MAP4K3: variants seen among roughly 807,000 people sequenced by gnomAD.
MAP4K3 encodes MAPK/ERK kinase kinase kinase 3.
In MAP4K3, 94 loss-of-function variants were observed where a neutral mutation model predicts 143.5. That is an observed-to-expected ratio of 0.65 (90% CI 0.55 to 0.78). The LOEUF (loss-of-function observed/expected upper bound fraction) is 0.78, where lower values mean the gene tolerates loss of function less well. Among genes scored for constraint, MAP4K3 ranks in the 30% least tolerant of loss-of-function variants. The probability of loss-of-function intolerance (pLI) is 0.00; values close to 1 mark genes in which losing one functional copy is unlikely to be tolerated. For missense variants in MAP4K3, 1,077 were observed against 1,068.1 expected (o/e 1.01, Z -0.12); for synonymous variants, 416 against 347.2 (o/e 1.20, Z -2.20).
intron 1 of MAP4K3, among the ~76,000 whole-genome samples, chr2:39,431,825 C>T (rs1051915903): frequency 6.6e-6 from 1 of 152,166 alleles, no homozygotes; most frequent in Non-Finnish European, 1.5e-5. Context: ...CATTTTACAG[C>T]TGAGGAAACT....
At chr2:39,304,298 G>A (rs1682615737) in intron 15 of MAP4K3, among the ~76,000 whole-genome samples, 1 of 152,114 alleles carries the variant, frequency 6.6e-6, no homozygotes, top group East Asian at 1.9e-4. Flanking sequence ...ATGTAGCAAG[G>A]TCTTTAAAGG....
chr2:39,254,011 TAA>T (rs774218536), intron 32 of MAP4K3, among the ~76,000 whole-genome samples: 4 of 152,102 alleles, frequency 2.6e-5, no homozygotes, highest in Non-Finnish European at 4.4e-5. Flanking sequence ...ATGTTGAAAA[TAA>T]AGAGGTAAGT....
At chr2:39,274,187 G>A in intron 24 of MAP4K3, among the ~76,000 whole-genome samples, 1 of 151,170 alleles carries the variant, frequency 6.6e-6, no homozygotes, top group Non-Finnish European at 1.5e-5. Flanking sequence ...TATTTAAAAA[G>A]TACTGGATTT....
intron 1 of MAP4K3, among the ~76,000 whole-genome samples, chr2:39,391,132 G>A (rs1666641550): frequency 6.6e-6 from 1 of 151,890 alleles, no homozygotes; most frequent in South Asian, 2.1e-4. Context: ...AAGGCAGGCG[G>A]ATCACGAGGT....
intron 3 of MAP4K3, among the ~76,000 whole-genome samples, chr2:39,344,790 G>C (rs1463041757): frequency 6.6e-6 from 1 of 152,182 alleles, no homozygotes; most frequent in Non-Finnish European, 1.5e-5. Flanking sequence ...ACCAGGGAGA[G>C]ACAGGAAAGG....
At position 39,254,525 on chromosome 2, in the gene MAP4K3, C is replaced by T. The variant is rs1461988737; in HGVS notation, c.2471-5G>A. 1.9e-6 allele frequency: 3 copies of T among 1,611,658 alleles called. No homozygotes were observed. In the Admixed American group the frequency reaches 5.0e-5, roughly 27 times the overall value. On this transcript the variant is annotated splice_polypyrimidine_tract_variant and splice_region_variant and intron_variant, in intron 31 of 33. Coordinates refer to ENST00000263881, the MANE Select transcript of MAP4K3 (RefSeq NM_003618.4). ...GCACACTGTCTTGTAGGCACACTAG[C>T]AGGCAAGAACAGCTCAATTACTGTT...
At chr2:39,283,360 A>G (rs1681622999) in intron 21 of MAP4K3, among the ~76,000 whole-genome samples, 1 of 152,182 alleles carries the variant, frequency 6.6e-6, no homozygotes, top group African/African-American at 2.4e-5. Context: ...CTCCTCATTA[A>G]TTTGCATGCC....
At chr2:39,359,490 T>C (rs1558665017) in intron 2 of MAP4K3, among the ~76,000 whole-genome samples, 1 of 152,178 alleles carries the variant, frequency 6.6e-6, no homozygotes, top group African/African-American at 2.4e-5. Context: ...GGATCTACCA[T>C]TCTGAGATCC....
At chr2:39,281,154 A>G (rs1681509448) in intron 22 of MAP4K3, among the ~76,000 whole-genome samples, 2 of 152,220 alleles carry the variant, frequency 1.3e-5, no homozygotes, top group South Asian at 4.1e-4. Context: ...ATTTTTGGTC[A>G]GAGAAAATTT....
intron 20 of MAP4K3, 61 bp downstream of exon 20, chr2:39,288,060 T>C: frequency 1.3e-6 from 2 of 1,580,288 alleles, no homozygotes; most frequent in East Asian, 2.2e-5. Flanking sequence ...AAAAGAAAGT[T>C]TTTTTTCTCC....
chr2:39,263,433 C>T (rs1346709526), intron 28 of MAP4K3, among the ~76,000 whole-genome samples: 1 of 88,132 alleles, frequency 1.1e-5, no homozygotes, highest in Non-Finnish European at 2.3e-5. Context: ...CCATCACGCC[C>T]GGCTATTTTT....
Position 39,269,470 on chromosome 2 carries a change from C to CTTTTTTT in MAP4K3, c.1974-2230_1974-2224dup, listed in dbSNP as rs59479315. On this transcript the variant is annotated intron_variant, in intron 26 of 33. Transcript: ENST00000263881. ...CTGAAGCTTAGATTTTTGCTCAGGT[C>CTTTTTTT]TTTTTTTTTTTTTTTTTTTTTGGAG... Among the ~76,000 whole-genome samples the CTTTTTTT allele has an allele frequency of 1.6e-4, 14 of 89,668 alleles. 1 individual carries two copies. The highest frequency in any genetic ancestry group is 3.2e-4 in the African/African-American group (7 of 21,894). 58.8% of individuals were successfully genotyped at this position (89,668 alleles called of 152,430 possible).
At chr2:39,377,174 C>T (rs1666240714) in intron 2 of MAP4K3, among the ~76,000 whole-genome samples, 1 of 132,508 alleles carries the variant, frequency 7.5e-6, no homozygotes, top group Non-Finnish European at 1.6e-5. Context: ...ACATGACCTA[C>T]AAAGTCTAAA....
At chr2:39,358,386 C>T (rs1018120728) in intron 2 of MAP4K3, among the ~76,000 whole-genome samples, 16 of 152,176 alleles carry the variant, frequency 1.1e-4, no homozygotes, top group Non-Finnish European at 4.4e-5. Flanking sequence ...CCACATAATT[C>T]CTTTCTATGA....
At chr2:39,411,079 A>T (rs1667219468) in intron 1 of MAP4K3, among the ~76,000 whole-genome samples, 1 of 152,226 alleles carries the variant, frequency 6.6e-6, no homozygotes, top group Admixed American at 6.5e-5. Context: ...TTCAACAGTA[A>T]TTTTTAAAAA....
In MAP4K3 at chr2:39,326,242, C is replaced by T. The variant is rs1683486753; in HGVS notation, c.566G>A (p.Gly189Glu). ...GAGATCACAGAGTTGATTGTAACCC[C>T]CCTTCCTCTCAACAGCTGCAACTTC... Reference protein sequence around the residue: ...APEVAAVERKGGYNQLCDLWA... With the variant: ...APEVAAVERKEGYNQLCDLWA... The change falls in exon 9 of 34, where the codon GGG becomes GAG. Residue 189 changes from glycine (G) to glutamate (E), a missense_variant. Transcript: ENST00000263881. 1 of 1,613,640 alleles carries T rather than the reference C, an allele frequency of 6.2e-7. No homozygotes were observed.
intron 2 of MAP4K3, among the ~76,000 whole-genome samples, chr2:39,363,309 GA>G (rs1268170257): frequency 2.0e-5 from 3 of 152,148 alleles, no homozygotes; most frequent in African/African-American, 7.2e-5. Context: ...TATATCTGAT[GA>G]GGGGTTACTA....
intron 1 of MAP4K3, among the ~76,000 whole-genome samples, chr2:39,389,458 G>A (rs1387902287): frequency 6.6e-6 from 1 of 152,052 alleles, no homozygotes; most frequent in East Asian, 1.9e-4. Context: ...CTCAAGGAGA[G>A]CAAATAAACA....
chr2:39,326,244 C>T lies in MAP4K3; in HGVS notation c.564G>A (p.Lys188=). 6 of 1,613,916 alleles carry T rather than the reference C, an allele frequency of 3.7e-6. No individual in the cohort carries two copies. The highest frequency in any genetic ancestry group is 4.2e-6 in the Non-Finnish European group (5 of 1,179,876). ...GATCACAGAGTTGATTGTAACCCCC[C>T]TTCCTCTCAACAGCTGCAACTTCTG... ...MAPEVAAVER[K]GGYNQLCDLW... is the part of the protein sequence containing the mutation. The change falls in exon 9 of 34, where the codon AAG becomes AAA. Residue 188 remains lysine, a synonymous_variant. Coordinates refer to ENST00000263881, the MANE Select transcript of MAP4K3 (RefSeq NM_003618.4).
Sources: gnomAD v4.1 joint callset for allele counts (sites outside exome capture counted in the v4.1 genomes callset) on GRCh38, gnomAD v4.1.1 for gene constraint, MANE v1.5 for transcripts, NCBI Gene and HGNC (gene_info 2026-07-23, HGNC 2026-07-21) for gene names.